CDH19: variants seen among roughly 807,000 people sequenced by gnomAD.
CDH19 encodes the protein cadherin-19.
In CDH19, 67 loss-of-function variants were observed where a neutral mutation model predicts 64.2. That is an observed-to-expected ratio of 1.04 (90% CI 0.86 to 1.28). The LOEUF (loss-of-function observed/expected upper bound fraction) is 1.28. Among genes scored for constraint, CDH19 ranks in the 50% most tolerant of loss-of-function variants. CDH19 has a pLI of 0.00. For synonymous variants in CDH19, 346 were observed against 319.3 expected (o/e 1.08, Z -0.89); for missense variants, 1,030 against 929.0 (o/e 1.11, Z -1.41).
At chr18:66,519,429 A>T (rs1985885591) in intron 9 of CDH19, among the ~76,000 whole-genome samples, 3 of 152,202 alleles carry the variant, frequency 2.0e-5, no homozygotes, top group Admixed American at 2.0e-4. Flanking sequence ...ATTAGTATTC[A>T]GCATGGTTAG....
At position 66,504,993 on chromosome 18, in the gene CDH19, G is replaced by A; in HGVS notation, c.2138C>T (p.Pro713Leu). 6.2e-7 allele frequency: 1 copy of A among 1,613,584 alleles called. No homozygotes were observed. The highest frequency in any genetic ancestry group is 8.5e-7 in the Non-Finnish European group (1 of 1,179,740). ...LEEANTDPCA[P>L]PFDSLQTYAF... ...GTAGGTCTGGAGGGAATCAAAAGGAGGGGCACACGGATCAGTATTAGCTTC... is the reference window on the plus strand; with the variant it reads ...GTAGGTCTGGAGGGAATCAAAAGGAAGGGCACACGGATCAGTATTAGCTTC... The change falls in exon 12 of 12, where the codon CCT becomes CTT. Residue 713 changes from proline to leucine, a missense_variant. Coordinates refer to ENST00000262150, the MANE Select transcript of CDH19 (RefSeq NM_021153.4).
At chr18:66,550,025 G>T (rs1389276792) in intron 5 of CDH19, among the ~76,000 whole-genome samples, 1 of 152,058 alleles carries the variant, frequency 6.6e-6, no homozygotes, top group Non-Finnish European at 1.5e-5. Flanking sequence ...GTAATCAAAA[G>T]ATAGTTTTGT....
chr18:66,559,326 G>A (rs1247574561), intron 3 of CDH19, among the ~76,000 whole-genome samples: 1 of 151,880 alleles, frequency 6.6e-6, no homozygotes, highest in African/African-American at 2.4e-5. Flanking sequence ...ATCTGATAAT[G>A]AATGCTTTTA....
At chr18:66,603,415 G>A (rs933769303) in intron 1 of CDH19, among the ~76,000 whole-genome samples, 1 of 150,798 alleles carries the variant, frequency 6.6e-6, no homozygotes, top group Non-Finnish European at 1.5e-5. Context: ...TACAATTTTA[G>A]GCATATATGT....
chr18:66,514,785 A>C (rs1001515662), intron 9 of CDH19, among the ~76,000 whole-genome samples: 2 of 151,572 alleles, frequency 1.3e-5, no homozygotes. Context: ...ATCATTCCAG[A>C]TTAATTATCC....
At chr18:66,568,737 G>C (rs199648133) in intron 2 of CDH19, 27 bp from the exon 3 acceptor site, 1 of 1,542,092 alleles carries the variant, frequency 6.5e-7, no homozygotes, top group East Asian at 2.3e-5. Context: ...GGATCATTTA[G>C]TTTCCAAACA....
At chr18:66,539,942 T>C (rs1986824400) in intron 7 of CDH19, among the ~76,000 whole-genome samples, 1 of 152,098 alleles carries the variant, frequency 6.6e-6, no homozygotes, top group South Asian at 2.1e-4. Context: ...TTAATATCTT[T>C]GGATTCTCTC....
intron 3 of CDH19, among the ~76,000 whole-genome samples, chr18:66,567,463 C>A (rs1449665745): frequency 6.6e-6 from 1 of 151,714 alleles, no homozygotes; most frequent in East Asian, 1.9e-4. Flanking sequence ...AATAATTTGT[C>A]TTGATATATA....
chr18:66,523,630 G>A (rs536048785), intron 9 of CDH19, among the ~76,000 whole-genome samples: 3 of 151,738 alleles, frequency 2.0e-5, no homozygotes, highest in African/African-American at 7.2e-5. Context: ...GGGGGGAGTG[G>A]GTCTCAAGGC....
At chr18:66,526,465 CTGTT>C (rs1490383450) in intron 9 of CDH19, among the ~76,000 whole-genome samples, 1 of 152,012 alleles carries the variant, frequency 6.6e-6, no homozygotes, top group African/African-American at 2.4e-5. Flanking sequence ...TCAGTTCTAC[CTGTT>C]TGTAGATAAT....
chr18:66,597,150 G>A (rs1599047310), intron 1 of CDH19, among the ~76,000 whole-genome samples: 2 of 77,488 alleles, frequency 2.6e-5, no homozygotes, highest in African/African-American at 7.9e-5. Context: ...AAGAGCCAAA[G>A]CAATCTTAAG....
chr18:66,595,833 T>C (rs988943648), intron 1 of CDH19, among the ~76,000 whole-genome samples: 2 of 152,118 alleles, frequency 1.3e-5, no homozygotes, highest in Admixed American at 6.5e-5. Context: ...GGCATCATTC[T>C]AATACCAAAA....
chr18:66,544,307 T>C, intron 6 of CDH19, 83 bp from the exon 7 acceptor site: 1 of 1,346,204 alleles, frequency 7.4e-7, no homozygotes, highest in Non-Finnish European at 1.0e-6. Flanking sequence ...ACCTGTTAAA[T>C]TAAGTCTCAG....
intron 7 of CDH19, among the ~76,000 whole-genome samples, chr18:66,541,527 GAA>G (rs1292125264): frequency 6.6e-6 from 1 of 152,060 alleles, no homozygotes; most frequent in Non-Finnish European, 1.5e-5. Context: ...GAAATGTGCT[GAA>G]GTGGGTATTT....
chr18:66,512,637 T>A lies in CDH19; in HGVS notation c.1459-952A>T, dbSNP rs140105622. Among the ~76,000 whole-genome samples, 781 of 151,486 alleles carry A rather than the reference T, an allele frequency of 5.2e-3. 8 individuals are homozygous for A. The highest frequency in any genetic ancestry group is 0.018 in the African/African-American group (740 of 41,490). ...TTCTCCACATTGATTTATTTTTAACTCATTACACATTACTAATAAATAATA... is the reference window on the plus strand; with the variant it reads ...TTCTCCACATTGATTTATTTTTAACACATTACACATTACTAATAAATAATA... On this transcript the variant is annotated intron_variant, in intron 9 of 11. Coordinates refer to ENST00000262150, the MANE Select transcript of CDH19 (RefSeq NM_021153.4).
At chr18:66,560,161 C>T (rs999534490) in intron 3 of CDH19, among the ~76,000 whole-genome samples, 12 of 152,034 alleles carry the variant, frequency 7.9e-5, no homozygotes, top group Admixed American at 7.2e-4. Context: ...ACAGTAGTTG[C>T]ACTAATAACG....
chr18:66,571,357 A>T (rs553624101), intron 2 of CDH19, among the ~76,000 whole-genome samples: 56 of 151,740 alleles, frequency 3.7e-4, no homozygotes, highest in African/African-American at 1.3e-3. Flanking sequence ...GGTTAAACTT[A>T]TTTCAGTTCA....
intron 1 of CDH19, among the ~76,000 whole-genome samples, chr18:66,600,647 A>G (rs1989015158): frequency 1.3e-5 from 2 of 151,932 alleles, no homozygotes; most frequent in Non-Finnish European, 2.9e-5. Context: ...TGAAAGTTTT[A>G]TAAATAATTC....
At chr18:66,506,259 C>T (rs150043690) in intron 11 of CDH19, among the ~76,000 whole-genome samples, 61 of 151,898 alleles carry the variant, frequency 4.0e-4, no homozygotes, top group Non-Finnish European at 7.7e-4. Context: ...TCTATTATAC[C>T]GTAGGGTGAT....
Sources: gnomAD v4.1 joint callset for allele counts (sites outside exome capture counted in the v4.1 genomes callset) on GRCh38, gnomAD v4.1.1 for gene constraint, MANE v1.5 for transcripts, NCBI Gene and HGNC (gene_info 2026-07-23, HGNC 2026-07-21) for gene names.